Variants in ATRN observed in about 807,000 individuals in gnomAD.
ATRN encodes attractin-2.
ATRN carries 54 observed loss-of-function variants against 178.7 expected under a neutral mutation model. The ratio of observed to expected loss-of-function variants is 0.30; its 90% CI spans 0.24 to 0.38. The LOEUF (loss-of-function observed/expected upper bound fraction) is 0.38, where lower values mean the gene tolerates loss of function less well. ATRN is among the 10% of genes least tolerant of loss of function. ATRN has a pLI of 1.00. For synonymous variants in ATRN, 636 were observed against 663.0 expected (o/e 0.96, Z 0.63); for missense variants, 1,443 against 1,815.1 (o/e 0.79, Z 3.73).
At chr20:3,625,876 G>C (rs916390923) in intron 25 of ATRN, among the ~76,000 whole-genome samples, 1 of 151,898 alleles carries the variant, frequency 6.6e-6, no homozygotes, top group Non-Finnish European at 1.5e-5. Flanking sequence ...AAGATGCCTG[G>C]GAGATAACTT....
Position 3,572,792 on chromosome 20 carries a change from T to G in ATRN, c.1933T>G (p.Ser645Ala). Residue 645 changes from serine to alanine, a missense_variant, in exon 12 of 29, where the codon TCG becomes GCG. Ser to Ala is a moderately conservative substitution (Grantham distance 99). This residue lies in a region of ATRN where 862 missense variants were observed against 972.1 expected (regional missense o/e 0.89). Coordinates refer to ENST00000262919, the MANE Select transcript of ATRN (RefSeq NM_139321.3). ...CCTCAGCGACATCCTGGTATTCACC[T>G]CGGAACAGTGTGATGCGCATCGGAG... ...LLLSDILVFT[S>A]EQCDAHRSEA... 1 of 1,614,088 alleles carries G rather than the reference T, an allele frequency of 6.2e-7. No individual in the cohort carries two copies. Among genetic ancestry groups the G allele is most frequent in the South Asian group, 1.1e-5 (1 of 91,068 alleles).
At chr20:3,636,315 C>A (rs1300591571) in intron 26 of ATRN, among the ~76,000 whole-genome samples, 2 of 152,042 alleles carry the variant, frequency 1.3e-5, no homozygotes, top group Non-Finnish European at 2.9e-5. Context: ...TCACTTAATA[C>A]CAGAAAACCT....
chr20:3,479,654 T>G (rs774935628), intron 1 of ATRN, among the ~76,000 whole-genome samples: 4 of 152,162 alleles, frequency 2.6e-5, no homozygotes, highest in Non-Finnish European at 4.4e-5. Context: ...CAACAGAAAT[T>G]TATTCTTTCA....
At chr20:3,553,581 T>C (rs1228588733) in intron 6 of ATRN, among the ~76,000 whole-genome samples, 2 of 152,224 alleles carry the variant, frequency 1.3e-5, no homozygotes, top group African/African-American at 4.8e-5. Context: ...TTGGACTTAA[T>C]GGCCCTGCAT....
chr20:3,615,900 G>T (rs1268041952), intron 24 of ATRN: 12 of 445,928 alleles, frequency 2.7e-5, no homozygotes, highest in Admixed American at 2.4e-4. Context: ...TTGTGGGGTG[G>T]GGGGAAGGGG....
At chr20:3,628,034 CG>C (rs899579974) in intron 25 of ATRN, among the ~76,000 whole-genome samples, 1 of 151,980 alleles carries the variant, frequency 6.6e-6, no homozygotes, top group Non-Finnish European at 1.5e-5. Flanking sequence ...TAGCCAGGCG[CG>C]GTGGTGGGCG....
rs761368262 is a variant in ATRN, at chr20:3,632,119, C to T, written c.3864-2192C>T. ...AGAATATCTGCCCAGGACATCTCCC[C>T]TGGGCTGTCCGGTAGATATCTCAGG... On this transcript the variant is annotated intron_variant, in intron 25 of 28. Coordinates refer to ENST00000262919, the MANE Select transcript of ATRN (RefSeq NM_139321.3). This position sits in a 1 kb window ranked among gnomAD's most constrained non-coding sequence, Gnocchi z 4.2. Among the ~76,000 whole-genome samples the T allele has an allele frequency of 6.6e-6, 1 of 152,142 alleles. No homozygotes were observed. Among genetic ancestry groups the T allele is most frequent in the Non-Finnish European group, 1.5e-5 (1 of 68,034 alleles).
intron 23 of ATRN, among the ~76,000 whole-genome samples, chr20:3,603,174 G>A (rs1435474747): frequency 6.6e-6 from 1 of 152,028 alleles, no homozygotes; most frequent in African/African-American, 2.4e-5. Context: ...TACCAGATTA[G>A]GGGGACTTAA....
intron 18 of ATRN, among the ~76,000 whole-genome samples, chr20:3,589,730 A>C (rs1376361541): frequency 1.3e-5 from 2 of 152,006 alleles, no homozygotes; most frequent in Non-Finnish European, 2.9e-5. Context: ...TGGAAAAGCT[A>C]GCAAGCCAGC....
chr20:3,611,617 C>T (rs531109812), intron 24 of ATRN, among the ~76,000 whole-genome samples: 2 of 152,154 alleles, frequency 1.3e-5, no homozygotes, highest in African/African-American at 4.8e-5. Context: ...TGGCACATGC[C>T]TATAGTCCCA....
chr20:3,599,004 TTACTA>T (rs1259594284), intron 22 of ATRN, among the ~76,000 whole-genome samples: 10 of 152,340 alleles, frequency 6.6e-5, no homozygotes, highest in East Asian at 1.9e-4. Context: ...TGTGGTATGT[TTACTA>T]TACAAGTAAA....
At chr20:3,633,323 G>T (rs1055503621) in intron 25 of ATRN, among the ~76,000 whole-genome samples, 1 of 152,184 alleles carries the variant, frequency 6.6e-6, no homozygotes. Flanking sequence ...GAGGCAGTGA[G>T]CCTTGAGATA....
At chr20:3,630,082 T>C (rs549329122) in intron 25 of ATRN, among the ~76,000 whole-genome samples, 1 of 152,258 alleles carries the variant, frequency 6.6e-6, no homozygotes, top group African/African-American at 2.4e-5. Context: ...ACCACCTAGT[T>C]GGGTTTTCTG....
At position 3,635,583 on chromosome 20, in the gene ATRN, C is replaced by T. The variant is rs368936633; in HGVS notation, c.3942+1194C>T. 8.0e-4 allele frequency among the ~76,000 whole-genome samples: 122 copies of T among 152,058 alleles called. 3 individuals carry two copies. The South Asian group carries it at 0.019, about 23-fold the overall frequency. ...GCTGTCTGGGGTTTTTTTGGATCTA[C>T]TCATGCCTTTTTCTATATAAAAATG... On this transcript the variant is annotated intron_variant, in intron 26 of 28. Coordinates refer to ENST00000262919, the MANE Select transcript of ATRN (RefSeq NM_139321.3).
rs237408 is a variant in ATRN at position 3,537,077 on chromosome 20, A to G, written c.494+1741A>G. Among the ~76,000 whole-genome samples the G allele has an allele frequency of 7.9e-3, 1,211 of 152,338 alleles. 19 individuals carry two copies. Among genetic ancestry groups the G allele is most frequent in the African/African-American group, 0.028 (1,144 of 41,570 alleles). ...AAAACAACAGGTCATTGAATTATGCAGATCTTCCATATGTTGATATATTTA... is the reference window on the plus strand; with the variant it reads ...AAAACAACAGGTCATTGAATTATGCGGATCTTCCATATGTTGATATATTTA... On this transcript the variant is annotated intron_variant, in intron 2 of 28. Coordinates refer to ENST00000262919, the MANE Select transcript of ATRN (RefSeq NM_139321.3).
intron 10 of ATRN, among the ~76,000 whole-genome samples, chr20:3,564,969 G>A (rs1002093462): frequency 2.0e-5 from 3 of 152,146 alleles, no homozygotes; most frequent in Middle Eastern, 3.2e-3. Context: ...GGAGGATGAG[G>A]CAGGAGAATG....
chr20:3,576,620 T>G (rs570297128), intron 13 of ATRN, among the ~76,000 whole-genome samples: 78 of 152,276 alleles, frequency 5.1e-4, no homozygotes, highest in African/African-American at 1.8e-3. Context: ...AGCATGTCCT[T>G]GAGCAGAACA....
At chr20:3,553,700 A>G (rs1006322721) in intron 6 of ATRN, among the ~76,000 whole-genome samples, 3 of 152,140 alleles carry the variant, frequency 2.0e-5, no homozygotes, top group African/African-American at 7.2e-5. Flanking sequence ...TACGGTGTAC[A>G]TCATTACCTT....
chr20:3,593,485 A>C (rs1206791878), intron 19 of ATRN, among the ~76,000 whole-genome samples: 1 of 152,154 alleles, frequency 6.6e-6, no homozygotes, highest in African/African-American at 2.4e-5. Context: ...GAAACTCAGA[A>C]AGGTTAAGTA....
Sources: gnomAD v4.1 joint callset for allele counts (sites outside exome capture counted in the v4.1 genomes callset) on GRCh38, gnomAD v4.1.1 for gene constraint, gnomAD v4.1.1 regional missense constraint, Gnocchi (gnomAD v3.1) non-coding constraint, MANE v1.5 for transcripts, NCBI Gene and HGNC (gene_info 2026-07-23, HGNC 2026-07-21) for gene names.